SORBS2: variants seen among roughly 807,000 people sequenced by gnomAD.
The protein encoded by SORBS2 is sorbin and SH3 domain containing 2.
Under a neutral mutation model 97.7 loss-of-function variants are expected in SORBS2, and 46 were observed. The ratio of observed to expected loss-of-function variants is 0.47; its 90% confidence interval spans 0.37 to 0.60. SORBS2 has a LOEUF of 0.60. Among genes scored for constraint, SORBS2 ranks in the 20% least tolerant of loss-of-function variants. The pLI is 0.00. For missense variants in SORBS2, 1,316 were observed against 1,282.3 expected (o/e 1.03, Z -0.40); for synonymous variants, 476 against 473.4 (o/e 1.01, Z -0.07).
intron 1 of SORBS2, among the ~76,000 whole-genome samples, chr4:185,877,867 C>CAAAAAAAAAAAAAAAAAAAAAAAAAAAA (rs1491116547): frequency 2.0e-5 from 1 of 50,460 alleles, no homozygotes; most frequent in African/African-American, 7.4e-5. Context: ...GAGACTCTGT[C>CAAAAAAAAAAAAAAAAAAAAAAAAAAAA]AAAAAACAAA....
intron 1 of SORBS2, among the ~76,000 whole-genome samples, chr4:185,861,337 G>C (rs980133938): frequency 1.5e-5 from 2 of 136,492 alleles, no homozygotes; most frequent in Non-Finnish European, 3.2e-5. Flanking sequence ...TCCATCAGTC[G>C]GGTGGGGGGC....
At chr4:185,601,350 G>C (rs1329792113) in intron 12 of SORBS2, among the ~76,000 whole-genome samples, 1 of 152,174 alleles carries the variant, frequency 6.6e-6, no homozygotes, top group East Asian at 1.9e-4. Context: ...AGACCGAGGG[G>C]ATATATGCAA....
At chr4:185,886,673 G>A (rs76488991) in intron 1 of SORBS2, among the ~76,000 whole-genome samples, 2,316 of 151,960 alleles carry the variant, frequency 0.015, 35 homozygotes, top group African/African-American at 0.051. Context: ...ATGGGATTCC[G>A]TGTGGGAAAG....
At chr4:185,945,986 G>A (rs2099274321) in intron 1 of SORBS2, among the ~76,000 whole-genome samples, 1 of 152,194 alleles carries the variant, frequency 6.6e-6, no homozygotes, top group Admixed American at 6.5e-5. Context: ...TTGACAGATG[G>A]TCAAGACTTT....
chr4:185,636,339 C>T (rs1219489191), intron 4 of SORBS2, among the ~76,000 whole-genome samples: 1 of 152,304 alleles, frequency 6.6e-6, no homozygotes, highest in East Asian at 1.9e-4. Flanking sequence ...TATTCGTTTA[C>T]AGTCACTTTT....
intron 1 of SORBS2, among the ~76,000 whole-genome samples, chr4:185,876,977 A>C (rs1334976867): frequency 6.6e-6 from 1 of 152,234 alleles, no homozygotes; most frequent in African/African-American, 2.4e-5. Flanking sequence ...GCTTTTAGTC[A>C]TGGTTGTAGC....
intron 1 of SORBS2, among the ~76,000 whole-genome samples, chr4:185,882,544 G>A (rs2099237399): frequency 6.6e-6 from 1 of 152,156 alleles, no homozygotes; most frequent in African/African-American, 2.4e-5. Context: ...TGTAATTCCA[G>A]TGAAAATTCC....
At position 185,781,632 on chromosome 4, in the gene SORBS2, CATTG is replaced by C. The variant is rs1279495340; in HGVS notation, c.-337-6270_-337-6267del. Among the ~76,000 whole-genome samples the C allele has an allele frequency of 7.9e-5, 10 of 126,168 alleles. 1 individual carries two copies. The highest frequency in any genetic ancestry group is 7.8e-5 in the Non-Finnish European group (4 of 51,562). 82.8% of individuals were successfully genotyped at this position (126,168 alleles called of 152,430 possible). On this transcript the variant is annotated intron_variant, in intron 1 of 20. Coordinates refer to the SORBS2 transcript ENST00000284776. ...CCTCCGGCCCCTCCAGCCTCCCTTC[CATTG>C]CCTCCGGCCTCTCCAGCGTCCCTTC...
intron 4 of SORBS2, among the ~76,000 whole-genome samples, chr4:185,672,023 A>T (rs1294164882): frequency 5.3e-5 from 8 of 152,242 alleles, no homozygotes; most frequent in Non-Finnish European, 1.2e-4. Context: ...AAATTGCCAA[A>T]GACCTGATCA....
chr4:185,865,701 G>A lies in SORBS2; in HGVS notation c.-337-90335C>T, dbSNP rs566512114. Among the ~76,000 whole-genome samples, 14 of 152,208 alleles carry A rather than the reference G, an allele frequency of 9.2e-5. No homozygotes were observed. The South Asian group carries it at 2.9e-3, about 31-fold the overall frequency. On this transcript the variant is annotated intron_variant, in intron 1 of 20. Transcript: ENST00000284776. ...AGACGTTTCCTTCCACTTTAAGCAC[G>A]TTATATTTTTCTTTAGTCCTCGATA...
chr4:185,724,141 C>CT (rs1387238315), intron 2 of SORBS2, among the ~76,000 whole-genome samples: 1 of 152,078 alleles, frequency 6.6e-6, no homozygotes, highest in Non-Finnish European at 1.5e-5. Context: ...ATAAAAGAAG[C>CT]TTAGTATGAA....
At chr4:185,634,931 T>C (rs1561554419) in intron 4 of SORBS2, among the ~76,000 whole-genome samples, 1 of 152,114 alleles carries the variant, frequency 6.6e-6, no homozygotes, top group Non-Finnish European at 1.5e-5. Flanking sequence ...CAAAAATAAA[T>C]TTTAGAAATA....
upstream of SORBS2, among the ~76,000 whole-genome samples, chr4:185,660,382 C>A (rs1403107202): frequency 6.6e-6 from 1 of 152,128 alleles, no homozygotes; most frequent in Non-Finnish European, 1.5e-5. Context: ...ATATAATGGA[C>A]TTCCATTATA....
At chr4:185,808,893 T>C (rs1585178267) in intron 1 of SORBS2, among the ~76,000 whole-genome samples, 1 of 152,352 alleles carries the variant, frequency 6.6e-6, no homozygotes, top group Non-Finnish European at 1.5e-5. Context: ...CTATACATTT[T>C]ATAATAGCCA....
chr4:185,846,162 T>C (rs2099214411), intron 1 of SORBS2, among the ~76,000 whole-genome samples: 1 of 152,146 alleles, frequency 6.6e-6, no homozygotes, highest in African/African-American at 2.4e-5. Flanking sequence ...GTCCATCACC[T>C]GGAGAGTGGA....
chr4:185,697,992 T>C (rs1401393758), intron 2 of SORBS2, among the ~76,000 whole-genome samples: 1 of 152,186 alleles, frequency 6.6e-6, no homozygotes, highest in African/African-American at 2.4e-5. Context: ...GTCTCATACT[T>C]AGACTTTAAG....
At chr4:185,749,151 T>C (rs2098783745) in intron 2 of SORBS2, among the ~76,000 whole-genome samples, 1 of 152,118 alleles carries the variant, frequency 6.6e-6, no homozygotes, top group African/African-American at 2.4e-5. Flanking sequence ...TGGAGTGGTG[T>C]TCAGGGAGGG....
At chr4:185,677,264 T>TCCTAGATCCTGGTTATGGGTTAGTTTCAA (rs2097801080) in intron 4 of SORBS2, 3 of 1,551,862 alleles carry the variant, frequency 1.9e-6, no homozygotes, top group Non-Finnish European at 2.6e-6. Flanking sequence ...GGCTGCTACT[T>TCCTAGATCCTGGTTATGGGTTAGTTTCAA]CCTAGATCCT....
chr4:185,736,770 A>G (rs1042441200), intron 2 of SORBS2, among the ~76,000 whole-genome samples: 12 of 152,130 alleles, frequency 7.9e-5, no homozygotes, highest in Non-Finnish European at 5.9e-5. Flanking sequence ...TGCCACAACC[A>G]CTGCAGAGGG....
Sources: gnomAD v4.1 joint callset for allele counts (sites outside exome capture counted in the v4.1 genomes callset) on GRCh38, gnomAD v4.1.1 for gene constraint, MANE v1.5 for transcripts, NCBI Gene and HGNC (gene_info 2026-07-23, HGNC 2026-07-21) for gene names.